RIMS2: variants seen among roughly 807,000 people sequenced by gnomAD.
The protein encoded by RIMS2 is regulating synaptic membrane exocytosis protein 2.
Under a neutral mutation model 174.4 loss-of-function variants are expected in RIMS2, and 59 were observed. The observed-to-expected ratio is 0.34, with a 90% CI of 0.27 to 0.42. The LOEUF (loss-of-function observed/expected upper bound fraction) is 0.42, where lower values mean the gene tolerates loss of function less well. Among genes scored for constraint, RIMS2 ranks in the 10% least tolerant of loss-of-function variants. The probability of loss-of-function intolerance (pLI) is 1.00; values close to 1 mark genes in which losing one functional copy is unlikely to be tolerated. For synonymous variants in RIMS2, 606 were observed against 572.5 expected (o/e 1.06, Z -0.84); for missense variants, 1,620 against 1,666.3 (o/e 0.97, Z 0.48).
At chr8:103,869,417 G>A (rs1565013030) in intron 3 of RIMS2, among the ~76,000 whole-genome samples, 1 of 150,806 alleles carries the variant, frequency 6.6e-6, no homozygotes, top group African/African-American at 2.4e-5. Flanking sequence ...AATTAGTCTT[G>A]AACTCCTGAC....
chr8:103,556,844 TA>T (rs2090571977), intron 1 of RIMS2, among the ~76,000 whole-genome samples: 1 of 151,988 alleles, frequency 6.6e-6, no homozygotes, highest in South Asian at 2.1e-4. Flanking sequence ...AACAAATAGG[TA>T]GGTTTAATGA....
At chr8:104,246,205 C>G (rs2099329389) in intron 20 of RIMS2, among the ~76,000 whole-genome samples, 1 of 152,164 alleles carries the variant, frequency 6.6e-6, no homozygotes. Context: ...TTCCAGTGGG[C>G]CAGTCACTGT....
intron 19 of RIMS2, among the ~76,000 whole-genome samples, chr8:104,134,973 A>G (rs1323008047): frequency 6.6e-6 from 1 of 152,146 alleles, no homozygotes; most frequent in Non-Finnish European, 1.5e-5. Context: ...CTGTTCAGAC[A>G]TGTTACAACA....
chr8:104,224,160 A>G (rs997678863), intron 19 of RIMS2, among the ~76,000 whole-genome samples: 4 of 152,214 alleles, frequency 2.6e-5, no homozygotes, highest in African/African-American at 9.6e-5. Flanking sequence ...TGGAGGACAG[A>G]AATACTTGAA....
At chr8:103,896,532 T>C (rs2099278811) in intron 4 of RIMS2, among the ~76,000 whole-genome samples, 1 of 151,738 alleles carries the variant, frequency 6.6e-6, no homozygotes, top group African/African-American at 2.4e-5. Flanking sequence ...AGACTTATAC[T>C]TGATTTTTGT....
At chr8:103,607,253 A>T (rs1377095570) in intron 1 of RIMS2, among the ~76,000 whole-genome samples, 1 of 151,866 alleles carries the variant, frequency 6.6e-6, no homozygotes, top group Non-Finnish European at 1.5e-5. Flanking sequence ...TTTCTCCTTC[A>T]CTTATGAAGC....
chr8:103,538,369 G>A (rs575601463), intron 1 of RIMS2, among the ~76,000 whole-genome samples: 1 of 151,830 alleles, frequency 6.6e-6, no homozygotes, highest in Non-Finnish European at 1.5e-5. Flanking sequence ...GGATACAGGC[G>A]GTATTTGGTT....
chr8:104,168,900 A>G (rs566326908), intron 19 of RIMS2, among the ~76,000 whole-genome samples: 3 of 152,122 alleles, frequency 2.0e-5, no homozygotes, highest in Admixed American at 6.5e-5. Context: ...ATCTATTGAG[A>G]TGATCGTATA....
intron 19 of RIMS2, among the ~76,000 whole-genome samples, chr8:104,127,628 A>G (rs1287023875): frequency 6.6e-6 from 1 of 152,144 alleles, no homozygotes; most frequent in Non-Finnish European, 1.5e-5. Context: ...CATTTATGTA[A>G]TTATGATGAT....
intron 22 of RIMS2, among the ~76,000 whole-genome samples, chr8:104,249,975 T>C (rs1202858567): frequency 1.3e-5 from 2 of 152,196 alleles, no homozygotes; most frequent in African/African-American, 4.8e-5. Flanking sequence ...GTCTCTGGAA[T>C]TAGAATAAAA....
chr8:104,044,890 G>C (rs1256164589), intron 19 of RIMS2, among the ~76,000 whole-genome samples: 1 of 151,792 alleles, frequency 6.6e-6, no homozygotes, highest in African/African-American at 2.4e-5. Context: ...AGAGTAAAGA[G>C]AGAATAATAC....
At chr8:103,837,616 GT>G (rs1244442010) in intron 3 of RIMS2, among the ~76,000 whole-genome samples, 1 of 152,064 alleles carries the variant, frequency 6.6e-6, no homozygotes, top group South Asian at 2.1e-4. Flanking sequence ...GCGGTGTTTG[GT>G]TTTTTGTCCT....
chr8:103,656,967 C>G (rs547837908), intron 1 of RIMS2, among the ~76,000 whole-genome samples: 1 of 152,248 alleles, frequency 6.6e-6, no homozygotes, highest in African/African-American at 2.4e-5. Context: ...ATGCCTCCAG[C>G]TGGGGGAGGG....
intron 2 of RIMS2, among the ~76,000 whole-genome samples, chr8:103,701,321 T>A (rs1030032929): frequency 6.6e-6 from 1 of 152,126 alleles, no homozygotes; most frequent in Admixed American, 6.5e-5. Context: ...TCGTACATAT[T>A]AATGTGGTAT....
intron 1 of RIMS2, among the ~76,000 whole-genome samples, chr8:103,630,580 CAAAAAAAAAAA>C (rs61194218): frequency 2.3e-5 from 2 of 86,982 alleles, no homozygotes; most frequent in Non-Finnish European, 4.6e-5. Flanking sequence ...AACTCCATCT[CAAAAAAAAAAA>C]AAAAAAAAAA....
intron 19 of RIMS2, among the ~76,000 whole-genome samples, chr8:104,202,489 G>A (rs374368894): frequency 1.2e-4 from 18 of 152,160 alleles, no homozygotes; most frequent in Non-Finnish European, 2.2e-4. Context: ...TACAAAAAAC[G>A]TACCACAGAC....
intron 19 of RIMS2, among the ~76,000 whole-genome samples, chr8:104,162,610 G>T (rs887569749): frequency 6.6e-6 from 1 of 151,324 alleles, no homozygotes; most frequent in South Asian, 2.1e-4. Flanking sequence ...CATATTATTA[G>T]GGGGGGAGAT....
chr8:103,971,673 G>A (rs74436925), intron 15 of RIMS2, among the ~76,000 whole-genome samples: 7,456 of 151,960 alleles, frequency 0.049, 584 homozygotes, highest in African/African-American at 0.17. Context: ...CCGGGTTCAA[G>A]CAATGCGTCT....
At chr8:103,894,275 A>G (rs1303834848) in intron 4 of RIMS2, among the ~76,000 whole-genome samples, 1 of 151,720 alleles carries the variant, frequency 6.6e-6, no homozygotes, top group Non-Finnish European at 1.5e-5. Context: ...ACAAAATAGC[A>G]AGATCTCTGT....
Sources: gnomAD v4.1 joint callset for allele counts (sites outside exome capture counted in the v4.1 genomes callset) on GRCh38, gnomAD v4.1.1 for gene constraint, MANE v1.5 for transcripts, NCBI Gene and HGNC (gene_info 2026-07-23, HGNC 2026-07-21) for gene names.